The following GPD2 variants were observed in gnomAD, a reference collection of about 807,000 sequenced individuals.
The protein encoded by GPD2 is glycerol-3-phosphate dehydrogenase, mitochondrial.
A neutral mutation model predicts 82.4 loss-of-function variants in GPD2; 54 were observed. The observed-to-expected ratio is 0.66, with a 90% CI of 0.53 to 0.82. GPD2 has a LOEUF of 0.82. Among genes scored for constraint, GPD2 ranks in the 40% least tolerant of loss-of-function variants. The pLI, the probability that GPD2 is intolerant of heterozygous loss-of-function variation, is 0.00. For missense variants in GPD2, 748 were observed against 896.2 expected, an observed-to-expected ratio of 0.83 and a Z score of 2.11; for synonymous variants, 288 against 306.1, an observed-to-expected ratio of 0.94 and a Z score of 0.62.
chr2:156,583,680 G>A lies in GPD2; in HGVS notation c.*762G>A, dbSNP rs1688114000. ...TTCATTTTTTTCTTCAGTCACTGCTGGTTTTCTTTGACTATTATAGTTGCC... is the reference window on the plus strand; with the variant it reads ...TTCATTTTTTTCTTCAGTCACTGCTAGTTTTCTTTGACTATTATAGTTGCC... On this transcript the variant is annotated 3_prime_UTR_variant, in exon 17 of 17. Transcript: ENST00000438166. 1.3e-5 allele frequency: 2 copies of A among 152,406 alleles called. No individual in the cohort carries two copies. The highest frequency in any genetic ancestry group is 2.9e-5 in the Non-Finnish European group (2 of 68,026). 9.4% of individuals were successfully genotyped at this position (152,406 alleles called of 1,614,324 possible).
At chr2:156,415,977 C>T in the GPD2 span, among the ~76,000 whole-genome samples, 893 of 97,958 alleles carry the variant, frequency 9.1e-3, 4 homozygotes, top group Non-Finnish European at 0.015. Flanking sequence ...GCCGAGATCC[C>T]GCCACTGCAC....
intron 1 of GPD2, among the ~76,000 whole-genome samples, chr2:156,473,892 A>G (rs1214887521): frequency 6.6e-6 from 1 of 152,198 alleles, no homozygotes; most frequent in Non-Finnish European, 1.5e-5. Flanking sequence ...TGAATGATGA[A>G]TGGTGGCCCC....
chr2:156,527,740 G>A (rs1393162406), intron 6 of GPD2, among the ~76,000 whole-genome samples: 1 of 152,072 alleles, frequency 6.6e-6, no homozygotes, highest in East Asian at 1.9e-4. Flanking sequence ...ATATTTTTAT[G>A]TCAAAGATGA....
intron 2 of GPD2, among the ~76,000 whole-genome samples, chr2:156,477,424 C>T (rs986331487): frequency 1.3e-5 from 2 of 151,986 alleles, no homozygotes; most frequent in African/African-American, 4.8e-5. Flanking sequence ...AAAATGAAAC[C>T]CTGTCTCAAT....
At chr2:156,507,326 CTTT>C (rs11334405) in intron 3 of GPD2, among the ~76,000 whole-genome samples, 9 of 142,562 alleles carry the variant, frequency 6.3e-5, no homozygotes, top group Non-Finnish European at 4.6e-5. Context: ...TTTTTCTTTT[CTTT>C]TTTTTTTTTT....
chr2:156,400,773 A>C, the GPD2 span, among the ~76,000 whole-genome samples: 1 of 152,162 alleles, frequency 6.6e-6, no homozygotes, highest in African/African-American at 2.4e-5. Context: ...CGGCTGGGGG[A>C]TGTAGCTCAG....
Position 156,459,091 on chromosome 2 carries a change from C to A in GPD2, c.-8-17007C>A, listed in dbSNP as rs375691120. 3.3e-5 allele frequency among the ~76,000 whole-genome samples: 5 copies of A among 151,786 alleles called. No homozygotes were observed. In the South Asian group the frequency reaches 1.0e-3, roughly 32 times the overall value. ...CTTCATAATTAATTTTCTACTTGTC[C>A]GTTACCCCATCTCTATCCAGAGTGT... On this transcript the variant is annotated intron_variant, in intron 1 of 16. Transcript: ENST00000438166.
intron 6 of GPD2, among the ~76,000 whole-genome samples, chr2:156,545,731 G>GT (rs1238219030): frequency 6.6e-6 from 1 of 151,820 alleles, no homozygotes; most frequent in Non-Finnish European, 1.5e-5. Context: ...TTATACCTGT[G>GT]TTTTTTTCAT....
chr2:156,571,799 ATACAGGGTT>A (rs1219122668), intron 13 of GPD2, among the ~76,000 whole-genome samples: 1 of 152,162 alleles, frequency 6.6e-6, no homozygotes, highest in Non-Finnish European at 1.5e-5. Context: ...ACAAACACAC[ATACAGGGTT>A]AGGCTAAGTA....
At chr2:156,432,634 A>G (rs988371020), upstream of GPD2, among the ~76,000 whole-genome samples, 1 of 152,220 alleles carries the variant, frequency 6.6e-6, no homozygotes, top group Non-Finnish European at 1.5e-5. Context: ...TTTAAGAATT[A>G]ACAACTTTGA....
chr2:156,534,299 A>T (rs2105310924), intron 6 of GPD2, among the ~76,000 whole-genome samples: 1 of 152,132 alleles, frequency 6.6e-6, no homozygotes, highest in Non-Finnish European at 1.5e-5. Flanking sequence ...CTTATCTGTT[A>T]TCTGCTCATC....
chr2:156,569,461 C>T lies in GPD2; in HGVS notation c.1399C>T (p.Leu467Phe). 2 of 1,612,068 alleles carry T rather than the reference C, an allele frequency of 1.2e-6. No homozygotes were observed. The highest frequency in any genetic ancestry group is 8.5e-7 in the Non-Finnish European group (1 of 1,178,354). The change falls in exon 11 of 17, where the codon CTT becomes TTT. Residue 467 changes from leucine (L) to phenylalanine (F), a missense_variant. Around this residue, in one of 3 missense-constraint regions of GPD2, gnomAD observed 692 missense variants for 809.7 expected, o/e 0.85. Transcript: ENST00000438166. ...LKAGPSRTVG[L>F]FLQGGKDWSP... The stretch of plus-strand genomic sequence containing the variant: ...AGCAGGACCAAGTAGAACAGTTGGG[C>T]TTTTCCTTCAAGGGGGTAAAGATTG...
Position 156,558,765 on chromosome 2 carries a change from C to CTTTTTTTTTT in GPD2, c.1165+1205_1165+1214dup, listed in dbSNP as rs34524248. ...GGTGCCCACCACCACGCCCAGCTAA[C>CTTTTTTTTTT]TTTTTTTTTTTTTTTTTTTTTTTTT... is the stretch of plus-strand genomic sequence containing the variant. On this transcript the variant is annotated intron_variant, in intron 9 of 16. Transcript: ENST00000438166. 6.1e-4 allele frequency among the ~76,000 whole-genome samples: 25 copies of CTTTTTTTTTT among 40,884 alleles called. 3 individuals are homozygous for CTTTTTTTTTT. The highest frequency in any genetic ancestry group is 1.2e-3 in the South Asian group (1 of 840). 26.8% of individuals were successfully genotyped at this position (40,884 alleles called of 152,430 possible). A position where few individuals can be genotyped will look rare whatever the true frequency, so the allele number is the denominator to read the frequency against.
At chr2:156,503,764 G>A (rs10191672) in intron 3 of GPD2, among the ~76,000 whole-genome samples, 42,559 of 152,016 alleles carry the variant, frequency 0.28, 6,408 homozygotes, top group East Asian at 0.58. Flanking sequence ...ATATAAGACA[G>A]TTTTAATAGT....
At chr2:156,416,994 C>A in the GPD2 span, among the ~76,000 whole-genome samples, 3 of 152,120 alleles carry the variant, frequency 2.0e-5, no homozygotes, top group East Asian at 5.8e-4. Flanking sequence ...AAAAACCTCA[C>A]CTTGGCTTTA....
At chr2:156,558,566 A>G (rs1243165037) in intron 9 of GPD2, among the ~76,000 whole-genome samples, 1 of 151,912 alleles carries the variant, frequency 6.6e-6, no homozygotes, top group East Asian at 1.9e-4. Flanking sequence ...GAAAAATGCT[A>G]AATTCTCTTG....
rs757181789 is a variant in GPD2 at position 156,557,555 on chromosome 2, C to T, written c.1138C>T (p.Arg380Cys). The change falls in exon 9 of 17, where the codon CGT becomes TGT. Residue 380 changes from arginine to cysteine, a missense_variant. Arg to Cys is a radical substitution (Grantham distance 180, BLOSUM62 -3). Around this residue, in one of 3 missense-constraint regions of GPD2, gnomAD observed 692 missense variants for 809.7 expected, o/e 0.85. Transcript: ENST00000438166. ...EDINFILNEV[R>C]NYLSCDVEVR... ...TATCAACTTCATTTTGAATGAAGTG[C>T]GTAATTACCTGAGTTGTGATGTTGA... 7 of 1,589,834 alleles carry T rather than the reference C, an allele frequency of 4.4e-6. No individual in the cohort carries two copies. Among genetic ancestry groups the T allele is most frequent in the South Asian group, 1.1e-5 (1 of 90,604 alleles).
At chr2:156,573,387 T>G (rs760848911) in intron 13 of GPD2, among the ~76,000 whole-genome samples, 10 of 152,190 alleles carry the variant, frequency 6.6e-5, no homozygotes, top group Non-Finnish European at 1.3e-4. Context: ...GAAGAAGTCT[T>G]GAGCTTTAGT....
At chr2:156,402,257 C>A in the GPD2 span, among the ~76,000 whole-genome samples, 2 of 152,076 alleles carry the variant, frequency 1.3e-5, no homozygotes, top group Non-Finnish European at 2.9e-5. Context: ...TAAGAATAAT[C>A]GAATGGTGTT....
Sources: allele counts gnomAD v4.1 joint callset (sites outside exome capture counted in the v4.1 genomes callset), GRCh38; gene constraint gnomAD v4.1.1; regional missense constraint gnomAD v4.1.1; transcripts MANE v1.5; gene names NCBI Gene and HGNC (gene_info 2026-07-23, HGNC 2026-07-21).